PCYT1A: variants seen among roughly 807,000 people sequenced by gnomAD.
The protein encoded by PCYT1A is choline-phosphate cytidylyltransferase A.
In PCYT1A, 25 loss-of-function variants were observed where a neutral mutation model predicts 43.7. The observed-to-expected ratio is 0.57, with a 90% CI of 0.42 to 0.80. The LOEUF is 0.80. Ranked by LOEUF, PCYT1A falls within the 30% of genes least tolerant of loss-of-function variation. The pLI is 0.00. For missense variants in PCYT1A, 421 were observed against 474.2 expected (o/e 0.89, Z 1.04); for synonymous variants, 172 against 170.7 (o/e 1.01, Z -0.06).
intron 1 of PCYT1A, among the ~76,000 whole-genome samples, chr3:196,272,809 C>G (rs528881680): frequency 1.3e-5 from 2 of 152,344 alleles, no homozygotes; most frequent in African/African-American, 4.8e-5. Flanking sequence ...TCTGAATATT[C>G]TGTATTTCAT....
chr3:196,259,766 G>C (rs1012089291), intron 2 of PCYT1A, among the ~76,000 whole-genome samples: 1 of 150,986 alleles, frequency 6.6e-6, no homozygotes, highest in Non-Finnish European at 1.5e-5. Flanking sequence ...GACTGCTTGA[G>C]CCAGGGAGGC....
chr3:196,285,933 C>T (rs925933160), intron 1 of PCYT1A, among the ~76,000 whole-genome samples: 1 of 152,114 alleles, frequency 6.6e-6, no homozygotes, highest in Non-Finnish European at 1.5e-5. Context: ...ATTTTCTGCC[C>T]CTATCTTGAG....
intron 3 of PCYT1A, among the ~76,000 whole-genome samples, chr3:196,249,401 A>G (rs1724679220): frequency 6.6e-6 from 1 of 151,074 alleles, no homozygotes; most frequent in Admixed American, 6.6e-5. Flanking sequence ...GCCTCCCAAA[A>G]TGCTGGGATT....
At chr3:196,244,340 C>A (rs1214390533) in intron 5 of PCYT1A, among the ~76,000 whole-genome samples, 1 of 150,280 alleles carries the variant, frequency 6.7e-6, no homozygotes, top group Non-Finnish European at 1.5e-5. Context: ...CTCCCCGCCG[C>A]CATCCCGTCT....
intron 1 of PCYT1A, among the ~76,000 whole-genome samples, chr3:196,280,570 GTTTT>G: frequency 1.1e-5 from 1 of 91,344 alleles, no homozygotes; most frequent in Non-Finnish European, 2.1e-5. Flanking sequence ...TATTTTTATT[GTTTT>G]TTTTTTTTTT....
In PCYT1A at chr3:196,237,536, G is replaced by C. The variant is rs902736310; in HGVS notation, c.*1152C>G. ...GCCAGCTGCAGCTCTCAGAGGAAAA[G>C]AAAGATGTGGAGCACTGGTTCCAGG... is the stretch of plus-strand genomic sequence containing the variant. On this transcript the variant is annotated 3_prime_UTR_variant, in exon 9 of 9. Coordinates refer to ENST00000431016, the MANE Select transcript of PCYT1A (RefSeq NM_001312673.2). 1.3e-5 allele frequency: 2 copies of C among 152,312 alleles called. No individual in the cohort carries two copies. Among genetic ancestry groups the C allele is most frequent in the African/African-American group, 4.8e-5 (2 of 41,452 alleles). The allele number at this position is 152,312 out of a possible 1,614,324, so 9.4% of individuals were successfully genotyped here.
chr3:196,252,501 G>A lies in PCYT1A; in HGVS notation c.218-4178C>T, dbSNP rs1252748092. Among the ~76,000 whole-genome samples the A allele has an allele frequency of 2.6e-5, 4 of 152,178 alleles. No homozygotes were observed. In the South Asian group the frequency reaches 8.3e-4, roughly 32 times the overall value. ...AGTGATCTGCCCGCCTTGGCCTCCC[G>A]AAGTTCTGGGATTACGGGCGTGAGC... On this transcript the variant is annotated intron_variant, in intron 3 of 8. Coordinates refer to ENST00000431016, the MANE Select transcript of PCYT1A (RefSeq NM_001312673.2). This position sits in a 1 kb window ranked among gnomAD's most constrained non-coding sequence, Gnocchi z 4.0.
intron 5 of PCYT1A, among the ~76,000 whole-genome samples, chr3:196,243,745 G>A (rs1007294895): frequency 2.0e-5 from 3 of 152,248 alleles, no homozygotes; most frequent in Non-Finnish European, 2.9e-5. Context: ...TGTGTTGGCC[G>A]GGCTGGTCTC....
chr3:196,280,722 T>C (rs769830447), intron 1 of PCYT1A, among the ~76,000 whole-genome samples: 4 of 152,126 alleles, frequency 2.6e-5, no homozygotes, highest in Admixed American at 6.5e-5. Flanking sequence ...TTAAGCACAG[T>C]AAGAGATTAA....
intron 2 of PCYT1A, among the ~76,000 whole-genome samples, chr3:196,264,572 G>C (rs1465113323): frequency 6.6e-6 from 1 of 152,086 alleles, no homozygotes; most frequent in Non-Finnish European, 1.5e-5. Flanking sequence ...CCAAACCACT[G>C]CCCCTACCTC....
intron 1 of PCYT1A, chr3:196,283,577 C>T (rs1029516445): frequency 1.3e-5 from 2 of 152,182 alleles, no homozygotes; most frequent in East Asian, 3.9e-4. Flanking sequence ...AATTTACTGG[C>T]TAAATTGTAG....
At chr3:196,243,875 G>C (rs551610196) in intron 5 of PCYT1A, among the ~76,000 whole-genome samples, 6 of 152,248 alleles carry the variant, frequency 3.9e-5, no homozygotes, top group African/African-American at 1.2e-4. Context: ...GCGTGATCTC[G>C]GCTCGCTACA....
At chr3:196,248,620 C>A (rs150279772) in intron 3 of PCYT1A, among the ~76,000 whole-genome samples, 88 of 152,192 alleles carry the variant, frequency 5.8e-4, no homozygotes, top group Middle Eastern at 3.4e-3. Flanking sequence ...GACCCGCCAG[C>A]CTCAGCCTCC....
intron 2 of PCYT1A, among the ~76,000 whole-genome samples, chr3:196,269,255 T>G (rs1725365685): frequency 6.6e-6 from 1 of 152,218 alleles, no homozygotes; most frequent in Non-Finnish European, 1.5e-5. Context: ...CACTTGTCTA[T>G]TTGTAGGGTA....
chr3:196,235,524 C>G lies in PCYT1A; in HGVS notation c.*3164G>C, dbSNP rs1008362563. On this transcript the variant is annotated 3_prime_UTR_variant, in exon 9 of 9. Transcript: ENST00000431016. The surrounding 1 kb of genome is among the most constrained non-coding windows in gnomAD (Gnocchi z 4.3). Reference sequence around the variant, plus strand: ...CTGCAAGAGCACAAATGATCCCTTCCTAGTCCTCTAAAGTGTCAACCTCCA... The same window carrying G: ...CTGCAAGAGCACAAATGATCCCTTCGTAGTCCTCTAAAGTGTCAACCTCCA... The G allele has an allele frequency of 6.6e-6, 1 of 152,284 alleles. No individual in the cohort carries two copies. The highest frequency in any genetic ancestry group is 2.4e-5 in the African/African-American group (1 of 41,468). 9.4% of individuals were successfully genotyped at this position (152,284 alleles called of 1,614,324 possible).
rs1403220334 is a variant in PCYT1A at position 196,287,613 on chromosome 3, A to G, written c.-11+2T>C. On this transcript the variant is annotated splice_donor_variant, in intron 1 of 8. Transcript: ENST00000431016. LOFTEE classifies it low-confidence loss of function (5UTR_SPLICE). ...AACAGAGACGCAAAGATAGGCACAC[A>G]CCTGCAACTCACGCTCCCCCGAGCC... is the stretch of plus-strand genomic sequence containing the variant. 9 of 151,956 alleles carry G rather than the reference A, an allele frequency of 5.9e-5. No individual in the cohort carries two copies. The highest frequency in any genetic ancestry group is 2.2e-4 in the African/African-American group (9 of 41,304). The allele number at this position is 151,956 out of a possible 1,614,324, so 9.4% of individuals were successfully genotyped here. A position where few individuals can be genotyped will look rare whatever the true frequency, so the allele number is the denominator to read the frequency against.
chr3:196,283,995 G>C (rs1048877649), intron 1 of PCYT1A, among the ~76,000 whole-genome samples: 1 of 152,048 alleles, frequency 6.6e-6, no homozygotes. Context: ...ACAAATCCAA[G>C]AAAAAAATGA....
rs568054398 is a variant in PCYT1A at position 196,257,180 on chromosome 3, C to T, written c.217+608G>A. On this transcript the variant is annotated intron_variant, in intron 3 of 8. Transcript: ENST00000431016. The stretch of plus-strand genomic sequence containing the variant: ...ATAATGATCTCTAAAACCAATTGCC[C>T]CACATAAGAAAAGCATCTCGAATAT... Among the ~76,000 whole-genome samples the T allele has an allele frequency of 2.0e-5, 3 of 152,130 alleles. No homozygotes were observed. The South Asian group carries it at 6.2e-4, about 32-fold the overall frequency.
intron 2 of PCYT1A, chr3:196,267,404 C>T (rs1560173892): frequency 8.9e-6 from 4 of 450,926 alleles, no homozygotes; most frequent in Non-Finnish European, 1.8e-5. Context: ...TGAGTACAGG[C>T]CTTCTTTCTG....
Sources: allele counts gnomAD v4.1 joint callset (sites outside exome capture counted in the v4.1 genomes callset), GRCh38; gene constraint gnomAD v4.1.1; non-coding constraint Gnocchi (gnomAD v3.1); transcripts MANE v1.5; gene names NCBI Gene and HGNC (gene_info 2026-07-23, HGNC 2026-07-21).